The following RCBTB1 variants were observed in gnomAD, a reference collection of about 807,000 sequenced individuals.
The protein encoded by RCBTB1 is RCC1 and BTB domain-containing protein 1.
A neutral mutation model predicts 62.4 loss-of-function variants in RCBTB1; 46 were observed. The observed-to-expected ratio is 0.74, with a 90% CI of 0.58 to 0.94. RCBTB1 has a LOEUF of 0.94. Ranked by LOEUF, RCBTB1 falls within the 40% of genes least tolerant of loss-of-function variation. The probability of loss-of-function intolerance (pLI) is 0.00; values close to 1 mark genes in which losing one functional copy is unlikely to be tolerated. For missense variants in RCBTB1, 565 were observed against 654.9 expected, an observed-to-expected ratio of 0.86 and a Z score of 1.50; for synonymous variants, 222 against 245.8, an observed-to-expected ratio of 0.90 and a Z score of 0.91.
intron 12 of RCBTB1, among the ~76,000 whole-genome samples, chr13:49,536,633 T>C (rs1216421502): frequency 6.6e-6 from 1 of 152,182 alleles, no homozygotes; most frequent in Non-Finnish European, 1.5e-5. Flanking sequence ...AGAAGGATCA[T>C]GTGACCAGGA....
intron 2 of RCBTB1, among the ~76,000 whole-genome samples, chr13:49,571,105 G>C (rs1034515586): frequency 6.6e-6 from 1 of 152,174 alleles, no homozygotes; most frequent in Non-Finnish European, 1.5e-5. Flanking sequence ...CCAGCACTTT[G>C]AGAGGCCGAG....
At chr13:49,574,310 G>A (rs1963620829) in intron 2 of RCBTB1, among the ~76,000 whole-genome samples, 1 of 150,256 alleles carries the variant, frequency 6.7e-6, no homozygotes. Context: ...GTAGAGACGG[G>A]GTTTCACCAT....
intron 2 of RCBTB1, among the ~76,000 whole-genome samples, chr13:49,568,309 G>A (rs1303139498): frequency 6.6e-6 from 1 of 152,164 alleles, no homozygotes; most frequent in African/African-American, 2.4e-5. Flanking sequence ...AGACATTTAA[G>A]TCAATTCCAG....
At chr13:49,571,545 T>C (rs1024504081) in intron 2 of RCBTB1, among the ~76,000 whole-genome samples, 1 of 152,188 alleles carries the variant, frequency 6.6e-6, no homozygotes, top group Non-Finnish European at 1.5e-5. Context: ...GGCTGGAGAC[T>C]GCTAAGGCAC....
chr13:49,537,087 A>G lies in RCBTB1; in HGVS notation c.1456-2825T>C, dbSNP rs1314182988. On this transcript the variant is annotated intron_variant, in intron 12 of 12. Coordinates refer to ENST00000378302, the MANE Select transcript of RCBTB1 (RefSeq NM_018191.4). ...TGTCCTAAAACTCCAAAGCTAAACT[A>G]GTTGAATGTTAATAATTTGAAGACC... Among the ~76,000 whole-genome samples, 6 of 152,280 alleles carry G rather than the reference A, an allele frequency of 3.9e-5. No homozygotes were observed. The South Asian group carries it at 1.0e-3, about 26-fold the overall frequency.
At chr13:49,544,600 C>A in intron 10 of RCBTB1, 137 bp downstream of exon 10, 1 of 638,318 alleles carries the variant, frequency 1.6e-6, no homozygotes, top group South Asian at 2.3e-5. Flanking sequence ...ATGAAATGGA[C>A]TGATACTATC....
At chr13:49,582,634 T>C (rs1964171194) in intron 1 of RCBTB1, among the ~76,000 whole-genome samples, 1 of 152,226 alleles carries the variant, frequency 6.6e-6, no homozygotes, top group Non-Finnish European at 1.5e-5. Context: ...GGAGACATAC[T>C]CATTCTCTCA....
chr13:49,559,344 C>T (rs1962218929), intron 5 of RCBTB1, among the ~76,000 whole-genome samples: 2 of 146,702 alleles, frequency 1.4e-5, no homozygotes, highest in African/African-American at 2.7e-5. Flanking sequence ...CTAGAGTAAT[C>T]AAACTCAAAG....
At chr13:49,548,229 A>T (rs1158390416) in intron 9 of RCBTB1, among the ~76,000 whole-genome samples, 1 of 151,794 alleles carries the variant, frequency 6.6e-6, no homozygotes, top group African/African-American at 2.4e-5. Context: ...GTCTCTACTA[A>T]AAATATAAAA....
intron 12 of RCBTB1, among the ~76,000 whole-genome samples, chr13:49,536,016 T>G (rs1959913109): frequency 7.1e-6 from 1 of 140,120 alleles, no homozygotes; most frequent in Non-Finnish European, 1.5e-5. Flanking sequence ...GGAGTGAAAC[T>G]CCATCTCAAA....
intron 9 of RCBTB1, among the ~76,000 whole-genome samples, chr13:49,545,822 G>A (rs191707752): frequency 4.5e-4 from 68 of 152,230 alleles, no homozygotes; most frequent in Admixed American, 1.8e-3. Flanking sequence ...CCTTGGTAGC[G>A]TGCTGTTACC....
At chr13:49,568,491 A>T (rs1963175024) in intron 2 of RCBTB1, among the ~76,000 whole-genome samples, 1 of 152,212 alleles carries the variant, frequency 6.6e-6, no homozygotes, top group Non-Finnish European at 1.5e-5. Flanking sequence ...CTTCTATTGA[A>T]GTAGTGGCCA....
chr13:49,569,727 A>AAAAG (rs562528885), intron 2 of RCBTB1, among the ~76,000 whole-genome samples: 1 of 151,240 alleles, frequency 6.6e-6, no homozygotes, highest in Non-Finnish European at 1.5e-5. Context: ...TCAAAAAAAA[A>AAAAG]AAAGAAAGAA....
At chr13:49,559,821 T>C in intron 5 of RCBTB1, 97 bp downstream of exon 5, 1 of 1,131,280 alleles carries the variant, frequency 8.8e-7, no homozygotes, top group Non-Finnish European at 1.3e-6. Flanking sequence ...ACCACTGAAC[T>C]ATACACTTAA....
chr13:49,573,158 G>A (rs1428919112), intron 2 of RCBTB1, among the ~76,000 whole-genome samples: 1 of 152,092 alleles, frequency 6.6e-6, no homozygotes, highest in Non-Finnish European at 1.5e-5. Flanking sequence ...AATGTACCCT[G>A]TAAGACTTAG....
chr13:49,557,700 G>A lies in RCBTB1; in HGVS notation c.445-2027C>T, dbSNP rs553246726. On this transcript the variant is annotated intron_variant, in intron 5 of 12. Coordinates refer to ENST00000378302, the MANE Select transcript of RCBTB1 (RefSeq NM_018191.4). ...TTTGGGAGGCTGAGACAGGAGGATC[G>A]CTTGAGCCCAGGAGTTCAAGACCAG... Among the ~76,000 whole-genome samples the A allele has an allele frequency of 1.1e-3, 174 of 152,108 alleles. 1 individual carries two copies. Among genetic ancestry groups the A allele is most frequent in the Non-Finnish European group, 2.1e-3 (141 of 67,976 alleles).
chr13:49,573,302 T>A (rs547970026), intron 2 of RCBTB1, among the ~76,000 whole-genome samples: 5 of 152,312 alleles, frequency 3.3e-5, no homozygotes, highest in African/African-American at 7.2e-5. Flanking sequence ...TCTTTCTTTG[T>A]ATTTTTATTC....
At chr13:49,565,459 T>A (rs1962867625) in intron 4 of RCBTB1, among the ~76,000 whole-genome samples, 1 of 143,580 alleles carries the variant, frequency 7.0e-6, no homozygotes, top group South Asian at 2.3e-4. Context: ...GTGAGGAGCG[T>A]CTCTGCCTGG....
At chr13:49,548,776 T>C (rs1018212203) in intron 9 of RCBTB1, among the ~76,000 whole-genome samples, 4 of 151,304 alleles carry the variant, frequency 2.6e-5, no homozygotes, top group African/African-American at 9.8e-5. Context: ...AGCAAACTAG[T>C]GGTTGCTAGG....
Sources: allele counts gnomAD v4.1 joint callset (sites outside exome capture counted in the v4.1 genomes callset), GRCh38; gene constraint gnomAD v4.1.1; transcripts MANE v1.5; gene names NCBI Gene and HGNC (gene_info 2026-07-23, HGNC 2026-07-21).